Variants in DIAPH2 observed in about 807,000 individuals in gnomAD.
The protein encoded by DIAPH2 is diaphanous related formin 2.
Under a neutral mutation model 92.7 loss-of-function variants are expected in DIAPH2, and 35 were observed. The ratio of observed to expected loss-of-function variants is 0.38; its 90% confidence interval spans 0.29 to 0.50. DIAPH2 has a LOEUF of 0.50. DIAPH2 is among the 20% of genes least tolerant of loss of function. DIAPH2 has a pLI of 0.94. For synonymous variants in DIAPH2, 301 were observed against 280.4 expected (o/e 1.07, Z -0.73); for missense variants, 701 against 819.5 (o/e 0.86, Z 1.77).
At chrX:96,838,462 A>G (rs2064913729) in intron 4 of DIAPH2, among the ~76,000 whole-genome samples, 1 of 112,389 alleles carries the variant, frequency 8.9e-6, no homozygotes, top group Non-Finnish European at 1.9e-5. Context: ...TCATGTCATT[A>G]TCTAATTGTA....
chrX:96,867,893 C>T, intron 4 of DIAPH2, among the ~76,000 whole-genome samples: 1 of 111,676 alleles, frequency 9.0e-6, no homozygotes, highest in Non-Finnish European at 1.9e-5. Flanking sequence ...TGTTTAACTA[C>T]GTGGCAACAT....
At position 97,335,510 on chromosome X, in the gene DIAPH2, T is replaced by A. The variant is rs554633377; in HGVS notation, c.2845-12606T>A. ...ATAATAATACTGACATTCCAAAATA[T>A]ACACATCAATCTCAAAAATGTTTAA... On this transcript the variant is annotated intron_variant, in intron 23 of 26. Coordinates refer to ENST00000324765, the MANE Select transcript of DIAPH2 (RefSeq NM_006729.5). Among the ~76,000 whole-genome samples the A allele has an allele frequency of 4.5e-5, 5 of 111,884 alleles. No individual in the cohort carries two copies. The South Asian group carries it at 1.1e-3, about 25-fold the overall frequency.
rs1236254006 is a variant in DIAPH2, at chrX:97,602,404, A to C, written c.*3087A>C. On this transcript the variant is annotated 3_prime_UTR_variant, in exon 27 of 27. Coordinates refer to ENST00000324765, the MANE Select transcript of DIAPH2 (RefSeq NM_006729.5). ...CTGAGGCCAAATTCCTCTTCCTCTG[A>C]GAACCAGTGAAACAGAAAAGTTAAT... 2.7e-5 allele frequency: 3 copies of C among 112,543 alleles called. No individual in the cohort carries two copies. The highest frequency in any genetic ancestry group is 5.6e-5 in the Non-Finnish European group (3 of 53,319). 9.3% of individuals were successfully genotyped at this position (112,543 alleles called of 1,213,427 possible). A position where few individuals can be genotyped will look rare whatever the true frequency, so the allele number is the denominator to read the frequency against.
intron 4 of DIAPH2, among the ~76,000 whole-genome samples, chrX:96,873,088 C>T (rs1384132563): frequency 1.8e-5 from 2 of 111,444 alleles, no homozygotes; most frequent in African/African-American, 6.5e-5. Context: ...CAGCATTTGT[C>T]ATTGCCTTTC....
intron 4 of DIAPH2, among the ~76,000 whole-genome samples, chrX:96,843,237 G>T (rs1052262783): frequency 9.0e-6 from 1 of 111,466 alleles, no homozygotes; most frequent in Non-Finnish European, 1.9e-5. Context: ...CTCCTGGTTC[G>T]CCTTCCACCA....
rs1427161442 is a variant in DIAPH2, at chrX:97,365,227, T to G, written c.3009+16947T>G. Among the ~76,000 whole-genome samples the G allele has an allele frequency of 8.1e-5, 9 of 111,501 alleles. No homozygotes were observed. In the East Asian group the frequency reaches 2.5e-3, roughly 31 times the overall value. On this transcript the variant is annotated intron_variant, in intron 24 of 26. Coordinates refer to ENST00000324765, the MANE Select transcript of DIAPH2 (RefSeq NM_006729.5). ...AAGTCTCAGCAAAGAAAAAAAAATC[T>G]TACTTTCATCCTCACTTTAACGGCC...
chrX:97,532,043 A>G (rs947406086), intron 26 of DIAPH2, among the ~76,000 whole-genome samples: 5 of 112,622 alleles, frequency 4.4e-5, no homozygotes, highest in Admixed American at 1.9e-4. Flanking sequence ...TTTTAATATC[A>G]TATACCTAAA....
chrX:97,254,109 G>A (rs190986450), intron 23 of DIAPH2, among the ~76,000 whole-genome samples: 132 of 111,827 alleles, frequency 1.2e-3, no homozygotes, highest in African/African-American at 4.3e-3. Context: ...GAAGGGTGGA[G>A]GATTTTTGCT....
intron 24 of DIAPH2, among the ~76,000 whole-genome samples, chrX:97,365,081 A>T (rs2069367324): frequency 9.0e-6 from 1 of 110,621 alleles, no homozygotes. Flanking sequence ...CGCTATTTAC[A>T]TCTGTTCAGT....
chrX:97,001,038 T>C (rs1337113892), intron 17 of DIAPH2, among the ~76,000 whole-genome samples: 1 of 112,405 alleles, frequency 8.9e-6, no homozygotes, highest in Non-Finnish European at 1.9e-5. Context: ...GAGTTAACTA[T>C]GCCTGAGTGG....
chrX:97,241,013 A>G (rs758325424), intron 22 of DIAPH2, among the ~76,000 whole-genome samples: 2 of 111,301 alleles, frequency 1.8e-5, no homozygotes, highest in East Asian at 5.7e-4. Flanking sequence ...ACCCCATCCA[A>G]TTCTGCCACA....
At chrX:97,459,831 T>C (rs2070443342) in intron 26 of DIAPH2, among the ~76,000 whole-genome samples, 2 of 111,927 alleles carry the variant, frequency 1.8e-5, no homozygotes, top group African/African-American at 6.5e-5. Context: ...AGCTAAGCTC[T>C]CTGGGTTCAA....
chrX:97,312,631 C>T (rs1328029621), intron 23 of DIAPH2, among the ~76,000 whole-genome samples: 2 of 111,178 alleles, frequency 1.8e-5, no homozygotes, highest in African/African-American at 6.5e-5. Context: ...TTACGGGCAT[C>T]GGCCAGTGCA....
intron 12 of DIAPH2, among the ~76,000 whole-genome samples, chrX:96,941,803 A>G (rs1195360222): frequency 3.6e-5 from 4 of 110,267 alleles, no homozygotes; most frequent in Non-Finnish European, 7.6e-5. Flanking sequence ...AAGTCACTAG[A>G]TGTAGTTGAT....
chrX:97,045,848 ATTTTTTT>A (rs758666786), intron 17 of DIAPH2, among the ~76,000 whole-genome samples: 16 of 64,447 alleles, frequency 2.5e-4, no homozygotes, highest in Admixed American at 3.5e-4. Flanking sequence ...GTATTTTAGG[ATTTTTTT>A]TTTTTTTTTT....
intron 22 of DIAPH2, among the ~76,000 whole-genome samples, chrX:97,215,300 G>A (rs990406850): frequency 3.6e-4 from 40 of 111,216 alleles, no homozygotes; most frequent in African/African-American, 1.3e-3. Context: ...TACTGAGTTG[G>A]GTCAACATTC....
intron 4 of DIAPH2, among the ~76,000 whole-genome samples, chrX:96,768,377 T>G (rs1442472174): frequency 8.9e-6 from 1 of 111,866 alleles, no homozygotes; most frequent in Non-Finnish European, 1.9e-5. Context: ...CCCTGTGAGC[T>G]TGTAAACCTC....
chrX:97,553,789 T>A (rs2071238172), intron 26 of DIAPH2, among the ~76,000 whole-genome samples: 1 of 110,912 alleles, frequency 9.0e-6, no homozygotes, highest in Non-Finnish European at 1.9e-5. Flanking sequence ...GTAGATTTTA[T>A]GGCAATGGTG....
intron 5 of DIAPH2, among the ~76,000 whole-genome samples, chrX:96,911,304 GACT>G (rs1451998902): frequency 9.0e-6 from 1 of 111,460 alleles, no homozygotes; most frequent in South Asian, 3.8e-4. Context: ...AGATAACTAG[GACT>G]AAACCAGAAT....
Sources: allele counts gnomAD v4.1 joint callset (sites outside exome capture counted in the v4.1 genomes callset), GRCh38; gene constraint gnomAD v4.1.1; transcripts MANE v1.5; gene names NCBI Gene and HGNC (gene_info 2026-07-23, HGNC 2026-07-21).